The following MRPS22 variants were observed in gnomAD, a reference collection of about 807,000 sequenced individuals.
MRPS22 encodes small ribosomal subunit protein mS22.
A neutral mutation model predicts 44.0 loss-of-function variants in MRPS22; 30 were observed. The observed-to-expected ratio is 0.68, with a 90% CI of 0.51 to 0.93. MRPS22 has a LOEUF of 0.93. Among genes scored for constraint, MRPS22 ranks in the 40% least tolerant of loss-of-function variants. MRPS22 has a pLI of 0.00. For synonymous variants in MRPS22, 165 were observed against 154.4 expected, an observed-to-expected ratio of 1.07 and a Z score of -0.51; for missense variants, 447 against 447.8, an observed-to-expected ratio of 1.00 and a Z score of 0.02.
chr3:139,347,075 CCTTT>C (rs1198139657), intron 2 of MRPS22, 31 bp downstream of exon 2: 8 of 1,612,910 alleles, frequency 5.0e-6, no homozygotes, highest in African/African-American at 1.3e-5. Flanking sequence ...TGTTAGAATA[CCTTT>C]CTTTAAGGGT....
chr3:139,344,773 T>A (rs1466689045), intron 1 of MRPS22: 1 of 643,560 alleles, frequency 1.6e-6, no homozygotes, highest in African/African-American at 1.8e-5. Context: ...AGGGACAAAT[T>A]AAGATTGTTT....
intron 1 of MRPS22, chr3:139,344,504 A>C (rs1941000878): frequency 1.6e-6 from 1 of 610,144 alleles, no homozygotes; most frequent in Admixed American, 2.9e-5. Context: ...GGGAATTGGC[A>C]GTGCAGTGTG....
intron 6 of MRPS22, 53 bp downstream of exon 6, chr3:139,352,845 A>T: frequency 6.4e-7 from 1 of 1,569,214 alleles, no homozygotes; most frequent in South Asian, 1.1e-5. Context: ...CTAACAGTTC[A>T]TCTGTATTTA....
At chr3:139,354,581 C>G (rs1941210088) in intron 6 of MRPS22, among the ~76,000 whole-genome samples, 1 of 147,700 alleles carries the variant, frequency 6.8e-6, no homozygotes, top group South Asian at 2.1e-4. Context: ...TACAACAGCT[C>G]TGTTTTCCTG....
At chr3:139,354,133 C>T (rs1036347822) in intron 6 of MRPS22, among the ~76,000 whole-genome samples, 2 of 152,162 alleles carry the variant, frequency 1.3e-5, no homozygotes, top group African/African-American at 4.8e-5. Context: ...AGTGAGCTTA[C>T]TGCAAACCAC....
chr3:139,345,615 C>G (rs1941027591), intron 1 of MRPS22, among the ~76,000 whole-genome samples: 1 of 152,070 alleles, frequency 6.6e-6, no homozygotes. Flanking sequence ...ATTATTACTA[C>G]AGCTATTTGA....
intron 3 of MRPS22, chr3:139,348,637 C>A: frequency 3.4e-6 from 1 of 294,630 alleles, no homozygotes; most frequent in Non-Finnish European, 6.4e-6. Flanking sequence ...ATCTACAAGG[C>A]AATGGAAGCA....
intron 6 of MRPS22, among the ~76,000 whole-genome samples, chr3:139,354,476 C>T (rs1043247037): frequency 2.6e-5 from 4 of 152,128 alleles, no homozygotes; most frequent in Admixed American, 2.0e-4. Context: ...GGAGACATTT[C>T]GTTACTACAT....
chr3:139,348,799 A>G (rs531305343), intron 3 of MRPS22, among the ~76,000 whole-genome samples: 1 of 152,248 alleles, frequency 6.6e-6, no homozygotes, highest in African/African-American at 2.4e-5. Context: ...TAAGAATGAC[A>G]GATGTTTCTC....
chr3:139,344,259 G>GGCA, intron 1 of MRPS22, 61 bp downstream of exon 1: 2 of 1,541,604 alleles, frequency 1.3e-6, no homozygotes, highest in Non-Finnish European at 1.7e-6. Flanking sequence ...TCCTGTTTCT[G>GGCA]GCAGGCGAAA....
intron 3 of MRPS22, 24 bp from the exon 4 acceptor site, chr3:139,350,155 C>G: frequency 6.2e-7 from 1 of 1,613,802 alleles, no homozygotes. Flanking sequence ...CAAACGCATC[C>G]TTGATTATGT....
chr3:139,352,865 A>G, intron 6 of MRPS22, 73 bp downstream of exon 6: 1 of 1,500,518 alleles, frequency 6.7e-7, no homozygotes, highest in Non-Finnish European at 9.2e-7. Context: ...AGGCTATGGT[A>G]TTTTTCCAGT....
rs1280642627 is a variant in MRPS22, at chr3:139,344,213, G to C, written c.172+15G>C. 1 of 1,594,912 alleles carries C rather than the reference G, an allele frequency of 6.3e-7. No homozygotes were observed. Reference sequence around the variant, plus strand: ...CTCCGAGGCCGGTAAGTGACCTTCCGGACTTTCGCTGGGGCGTTCTTCTGG... The same window carrying C: ...CTCCGAGGCCGGTAAGTGACCTTCCCGACTTTCGCTGGGGCGTTCTTCTGG... On this transcript the variant is annotated intron_variant, in intron 1 of 7. Transcript: ENST00000680020.
chr3:139,348,770 C>T (rs1011650030), intron 3 of MRPS22, among the ~76,000 whole-genome samples: 2 of 152,180 alleles, frequency 1.3e-5, no homozygotes, highest in African/African-American at 4.8e-5. Flanking sequence ...AAAGGATTTT[C>T]GCTTTCCAGA....
rs573425351 is a variant in MRPS22 at position 139,350,679 on chromosome 3, C to G, written c.649-298C>G. On this transcript the variant is annotated intron_variant, in intron 4 of 7. Transcript: ENST00000680020. ...CTGACCTCGGGATTCGCACCCCCCC[C>G]CCGCAATCCGACTCCCAAAGTGCTG... 317 of 364,680 alleles carry G rather than the reference C, an allele frequency of 8.7e-4. 3 individuals are homozygous for G. The highest frequency in any genetic ancestry group is 3.0e-3 in the Middle Eastern group (4 of 1,338). The allele number at this position is 364,680 out of a possible 1,614,324, so 22.6% of individuals were successfully genotyped here.
At chr3:139,350,676 C>G (rs1174496669) in intron 4 of MRPS22, 2 of 361,022 alleles carry the variant, frequency 5.5e-6, no homozygotes, top group African/African-American at 2.3e-5. Flanking sequence ...TTCGCACCCC[C>G]CCCCCGCAAT....
At position 139,357,106 on chromosome 3, in the gene MRPS22, G is replaced by GAT; in HGVS notation, c.*95_*96dup. 1 of 1,085,368 alleles carries GAT rather than the reference G, an allele frequency of 9.2e-7. No individual in the cohort carries two copies. The highest frequency in any genetic ancestry group is 1.4e-6 in the Non-Finnish European group (1 of 729,934). The allele number at this position is 1,085,368 out of a possible 1,614,324, so 67.2% of individuals were successfully genotyped here. On this transcript the variant is annotated 3_prime_UTR_variant, in exon 8 of 8. Coordinates refer to ENST00000680020, the MANE Select transcript of MRPS22 (RefSeq NM_020191.4). ...ATGTTAAAAAATGGCCAGATTAAAA[G>GAT]ATATCAATTTGTAGTTCTCCCTACA...
At chr3:139,353,423 T>A (rs1277571289) in intron 6 of MRPS22, among the ~76,000 whole-genome samples, 1 of 152,198 alleles carries the variant, frequency 6.6e-6, no homozygotes, top group Non-Finnish European at 1.5e-5. Flanking sequence ...AAGGCCAAAA[T>A]GACAAGGAAG....
chr3:139,351,193 G>A, intron 5 of MRPS22, 133 bp downstream of exon 5: 1 of 698,718 alleles, frequency 1.4e-6, no homozygotes, highest in Non-Finnish European at 2.6e-6. Context: ...AATCTATTGA[G>A]TACAGTTGTG....
Sources: gnomAD v4.1 joint callset for allele counts (sites outside exome capture counted in the v4.1 genomes callset) on GRCh38, gnomAD v4.1.1 for gene constraint, MANE v1.5 for transcripts, NCBI Gene and HGNC (gene_info 2026-07-23, HGNC 2026-07-21) for gene names.